The following CCDC88C variants were observed in gnomAD, a reference collection of about 807,000 sequenced individuals.
CCDC88C encodes protein Daple.
Under a neutral mutation model 198.8 loss-of-function variants are expected in CCDC88C, and 131 were observed. The ratio of observed to expected loss-of-function variants is 0.66; its 90% CI spans 0.57 to 0.76. CCDC88C has a LOEUF of 0.76. CCDC88C is among the 30% of genes least tolerant of loss of function. The pLI, the probability that CCDC88C is intolerant of heterozygous loss-of-function variation, is 0.00. For synonymous variants in CCDC88C, 1,166 were observed against 1,114.7 expected (o/e 1.05, Z -0.92); for missense variants, 2,553 against 2,631.6 (o/e 0.97, Z 0.65).
intron 22 of CCDC88C, among the ~76,000 whole-genome samples, chr14:91,294,847 C>T (rs1001950964): frequency 2.6e-5 from 4 of 152,076 alleles, no homozygotes; most frequent in East Asian, 1.9e-4. Flanking sequence ...TTAGTAGAGA[C>T]GGGGTTTCAT....
chr14:91,416,661 C>A, intron 2 of CCDC88C, 77 bp downstream of exon 2: 1 of 1,096,704 alleles, frequency 9.1e-7, no homozygotes, highest in Non-Finnish European at 1.4e-6. Flanking sequence ...CCCCGCCATG[C>A]AACCTTCCAC....
At chr14:91,382,994 C>G (rs1341451551) in intron 3 of CCDC88C, among the ~76,000 whole-genome samples, 2 of 152,184 alleles carry the variant, frequency 1.3e-5, no homozygotes, top group African/African-American at 4.8e-5. Context: ...CTTCCATCCT[C>G]CAACTCTGGG....
intron 3 of CCDC88C, among the ~76,000 whole-genome samples, chr14:91,392,204 TAGG>T (rs2139980858): frequency 6.6e-6 from 1 of 152,176 alleles, no homozygotes; most frequent in South Asian, 2.1e-4. Flanking sequence ...AACCTGTACC[TAGG>T]AGGAGTTCAA....
chr14:91,272,340 G>A lies in CCDC88C; in HGVS notation c.*285C>T. 2.2e-6 allele frequency: 1 copy of A among 447,016 alleles called. No individual in the cohort carries two copies. The highest frequency in any genetic ancestry group is 4.0e-6 in the Non-Finnish European group (1 of 248,838). 27.7% of individuals were successfully genotyped at this position (447,016 alleles called of 1,614,324 possible). A position where few individuals can be genotyped will look rare whatever the true frequency, so the allele number is the denominator to read the frequency against. On this transcript the variant is annotated 3_prime_UTR_variant, in exon 30 of 30. Transcript: ENST00000389857. ...TGTCTGCTTTGGGGGAAGTCAGTTT[G>A]TCATTGCATCCTAATTGGTCCCCAT...
intron 3 of CCDC88C, among the ~76,000 whole-genome samples, chr14:91,368,888 G>A (rs769462401): frequency 1.3e-5 from 2 of 152,148 alleles, no homozygotes; most frequent in Non-Finnish European, 2.9e-5. Context: ...ACCACCTGAC[G>A]ACCTGGCACT....
At chr14:91,293,350 C>T (rs1289478794) in intron 23 of CCDC88C, among the ~76,000 whole-genome samples, 1 of 112,932 alleles carries the variant, frequency 8.9e-6, no homozygotes, top group Non-Finnish European at 1.9e-5. Flanking sequence ...CTTCCTGTCC[C>T]CTCGCCTGCC....
chr14:91,281,006 T>C (rs1890174238), intron 27 of CCDC88C, among the ~76,000 whole-genome samples: 1 of 152,228 alleles, frequency 6.6e-6, no homozygotes, highest in Non-Finnish European at 1.5e-5. Context: ...GCAGGTACTG[T>C]TTACTGTCTC....
At chr14:91,275,608 G>A (rs1889925191) in intron 29 of CCDC88C, among the ~76,000 whole-genome samples, 1 of 151,722 alleles carries the variant, frequency 6.6e-6, no homozygotes, top group African/African-American at 2.4e-5. Flanking sequence ...CTCCCGAGTA[G>A]CTGGGATCAC....
Position 91,273,627 on chromosome 14 carries a change from C to T in CCDC88C, c.5085G>A (p.Leu1695=), listed in dbSNP as rs1596009232. The part of the protein sequence containing the change: ...THDTPSCRDD[L]LSDYFRKASD... ...TGGCCTTTCGGAAGTAGTCACTCAG[C>T]AGGTCATCCCGGCAACTGGGAGTGT... is the stretch of plus-strand genomic sequence containing the variant. Residue 1695 remains leucine (L), a synonymous_variant, in exon 30 of 30, where the codon CTG becomes CTA. Coordinates refer to ENST00000389857, the MANE Select transcript of CCDC88C (RefSeq NM_001080414.4). This position sits in a 1 kb window ranked among gnomAD's most constrained non-coding sequence, Gnocchi z 5.6. 6.7e-7 allele frequency: 1 copy of T among 1,482,938 alleles called. No homozygotes were observed. 91.9% of individuals were successfully genotyped at this position (1,482,938 alleles called of 1,614,324 possible). A position where few individuals can be genotyped will look rare whatever the true frequency, so the allele number is the denominator to read the frequency against.
At chr14:91,377,428 A>T (rs532224785) in intron 3 of CCDC88C, among the ~76,000 whole-genome samples, 2 of 152,162 alleles carry the variant, frequency 1.3e-5, no homozygotes, top group South Asian at 4.2e-4. Flanking sequence ...TCCCTGAACC[A>T]GCGAGCAAGT....
At chr14:91,370,513 C>A (rs865793345) in intron 3 of CCDC88C, among the ~76,000 whole-genome samples, 1 of 152,178 alleles carries the variant, frequency 6.6e-6, no homozygotes, top group Non-Finnish European at 1.5e-5. Context: ...CCAGGAAGGG[C>A]CTGTTCTGAG....
chr14:91,375,960 C>T (rs2139938869), intron 3 of CCDC88C, among the ~76,000 whole-genome samples: 1 of 152,320 alleles, frequency 6.6e-6, no homozygotes, highest in South Asian at 2.1e-4. Flanking sequence ...CACATGACTA[C>T]AAGTGGCGAG....
chr14:91,414,580 C>A (rs192322917), intron 2 of CCDC88C, among the ~76,000 whole-genome samples: 100 of 152,310 alleles, frequency 6.6e-4, no homozygotes, highest in African/African-American at 2.3e-3. Context: ...CACTTCCAGA[C>A]ACAAAAACAC....
chr14:91,273,499 G>A lies in CCDC88C; in HGVS notation c.5213C>T (p.Pro1738Leu), dbSNP rs1368928191. ...CTTCAGCGGCCTCCCCTCCGAGGTG[G>A]GGGCGGCCATTTTGACGGTGGGGGC... is the stretch of plus-strand genomic sequence containing the variant. ...FVAPTVKMAA[P>L]TSEGRPLKPG... is the part of the protein sequence containing the mutation. Residue 1738 changes from proline (P) to leucine (L), a missense_variant, in exon 30 of 30, where the codon CCC becomes CTC. By Grantham distance (98) the Pro-to-Leu change is moderately conservative. This residue lies in a region of CCDC88C where 1,293 missense variants were observed against 1,219.6 expected (regional missense o/e 1.06). Transcript: ENST00000389857. This position sits in a 1 kb window ranked among gnomAD's most constrained non-coding sequence, Gnocchi z 5.6. 1.3e-6 allele frequency: 2 copies of A among 1,549,808 alleles called. No homozygotes were observed. Among genetic ancestry groups the A allele is most frequent in the Non-Finnish European group, 1.7e-6 (2 of 1,147,596 alleles).
Position 91,271,749 on chromosome 14 carries a change from T to C in CCDC88C, c.*876A>G, listed in dbSNP as rs1889743514. The C allele has an allele frequency of 6.6e-6, 1 of 152,642 alleles. No individual in the cohort carries two copies. The highest frequency in any genetic ancestry group is 1.5e-5 in the Non-Finnish European group (1 of 68,050). 9.5% of individuals were successfully genotyped at this position (152,642 alleles called of 1,614,324 possible). A position where few individuals can be genotyped will look rare whatever the true frequency, so the allele number is the denominator to read the frequency against. On this transcript the variant is annotated 3_prime_UTR_variant, in exon 30 of 30. Transcript: ENST00000389857. ...TAAATCAACACCCCGAGACCGGGGATGTCGGGTGCCGCAGCCAGGTTACAC... is the reference window on the plus strand; with the variant it reads ...TAAATCAACACCCCGAGACCGGGGACGTCGGGTGCCGCAGCCAGGTTACAC...
chr14:91,366,769 C>T (rs1435177290), intron 3 of CCDC88C, among the ~76,000 whole-genome samples: 1 of 152,160 alleles, frequency 6.6e-6, no homozygotes, highest in African/African-American at 2.4e-5. Flanking sequence ...GGGTCCTGGG[C>T]GAAAGGCTGA....
Position 91,273,227 on chromosome 14 carries a change from G to C in CCDC88C, c.5485C>G (p.Leu1829Val). The change falls in exon 30 of 30, where the codon CTG (leucine) becomes GTG (valine). Residue 1829 changes from leucine to valine, a missense_variant. Leu to Val is a conservative substitution (Grantham distance 32). Around this residue, in one of 2 missense-constraint regions of CCDC88C, gnomAD observed 1,293 missense variants for 1,219.6 expected, o/e 1.06. Coordinates refer to ENST00000389857, the MANE Select transcript of CCDC88C (RefSeq NM_001080414.4). The surrounding 1 kb of genome is among the most constrained non-coding windows in gnomAD (Gnocchi z 5.6). ...CCCCCTAAGGCCTCAGGAGCCCCCAGCTTCTGAGGGGACTCCTGTTTGCAG... is the reference window on the plus strand; with the variant it reads ...CCCCCTAAGGCCTCAGGAGCCCCCACCTTCTGAGGGGACTCCTGTTTGCAG... Reference protein sequence around the residue: ...EACKQESPQKLGAPEALGGRE... With the variant: ...EACKQESPQKVGAPEALGGRE... 3.2e-6 allele frequency: 5 copies of C among 1,560,914 alleles called. No individual in the cohort carries two copies. The highest frequency in any genetic ancestry group is 3.5e-6 in the Non-Finnish European group (4 of 1,152,428).
chr14:91,341,854 C>T (rs1893325562), intron 6 of CCDC88C, among the ~76,000 whole-genome samples: 2 of 152,252 alleles, frequency 1.3e-5, no homozygotes, highest in African/African-American at 4.8e-5. Flanking sequence ...GCCCTCCCGG[C>T]CCCTCGCTGG....
chr14:91,322,195 T>C (rs1892383172), intron 12 of CCDC88C, among the ~76,000 whole-genome samples: 1 of 152,058 alleles, frequency 6.6e-6, no homozygotes, highest in Non-Finnish European at 1.5e-5. Flanking sequence ...CAGCGATTCC[T>C]CCCCCTACCT....
Sources: gnomAD v4.1 joint callset for allele counts (sites outside exome capture counted in the v4.1 genomes callset) on GRCh38, gnomAD v4.1.1 for gene constraint, gnomAD v4.1.1 regional missense constraint, Gnocchi (gnomAD v3.1) non-coding constraint, MANE v1.5 for transcripts, NCBI Gene and HGNC (gene_info 2026-07-23, HGNC 2026-07-21) for gene names.